Variants in ZBTB16 observed in about 807,000 individuals in gnomAD.
ZBTB16 encodes zinc finger and BTB domain containing 16, also known as zinc finger and BTB domain-containing protein 16.
In ZBTB16, 8 loss-of-function variants were observed where a neutral mutation model predicts 56.8. That is an observed-to-expected ratio of 0.14 (90% CI 0.08 to 0.25). The LOEUF (loss-of-function observed/expected upper bound fraction) is 0.25. ZBTB16 is among the 10% of genes least tolerant of loss of function. The pLI, the probability that ZBTB16 is intolerant of heterozygous loss-of-function variation, is 1.00. For missense variants in ZBTB16, 625 were observed against 903.0 expected (o/e 0.69, Z 3.95); for synonymous variants, 363 against 368.5 (o/e 0.98, Z 0.17).
chr11:114,131,459 T>C (rs1941658046), intron 2 of ZBTB16, among the ~76,000 whole-genome samples: 1 of 152,218 alleles, frequency 6.6e-6, no homozygotes, highest in South Asian at 2.1e-4. Flanking sequence ...TTCTGAATAA[T>C]TGAAACTTCG....
At position 114,149,079 on chromosome 11, in the gene ZBTB16, A is replaced by G. The variant is rs184546624; in HGVS notation, c.1269-7258A>G. Among the ~76,000 whole-genome samples the G allele has an allele frequency of 4.1e-3, 629 of 152,262 alleles. 5 individuals carry two copies. Among genetic ancestry groups the G allele is most frequent in the Non-Finnish European group, 3.5e-3 (237 of 68,018 alleles). ...GTATGGACCCTTATGCAGGAGATATAATCCAGCCAGCACAGACCCATGTCA... is the reference window on the plus strand; with the variant it reads ...GTATGGACCCTTATGCAGGAGATATGATCCAGCCAGCACAGACCCATGTCA... On this transcript the variant is annotated intron_variant, in intron 2 of 6. Transcript: ENST00000335953.
At position 114,173,489 on chromosome 11, in the gene ZBTB16, C is replaced by T. The variant is rs556789323; in HGVS notation, c.1367-13463C>T. ...ATCACAGTGGAAGCACATCCGTACC[C>T]GTATATGTGTATTAATGACTTTAAA... On this transcript the variant is annotated intron_variant, in intron 3 of 6. Transcript: ENST00000335953. 2.0e-3 allele frequency among the ~76,000 whole-genome samples: 309 copies of T among 152,248 alleles called. 1 individual carries two copies. Among genetic ancestry groups the T allele is most frequent in the African/African-American group, 6.7e-3 (280 of 41,542 alleles).
intron 4 of ZBTB16, among the ~76,000 whole-genome samples, chr11:114,223,745 G>A (rs1400299179): frequency 6.6e-6 from 1 of 152,154 alleles, no homozygotes; most frequent in Non-Finnish European, 1.5e-5. Flanking sequence ...GTATAAGGAT[G>A]TTATTAGAGC....
At chr11:114,096,865 C>T (rs940246766) in intron 2 of ZBTB16, among the ~76,000 whole-genome samples, 4 of 152,176 alleles carry the variant, frequency 2.6e-5, no homozygotes, top group African/African-American at 4.8e-5. Context: ...AAAGCACAAA[C>T]GATGGATTCC....
At chr11:114,137,912 G>A (rs1016346777) in intron 2 of ZBTB16, among the ~76,000 whole-genome samples, 1 of 152,210 alleles carries the variant, frequency 6.6e-6, no homozygotes, top group African/African-American at 2.4e-5. Context: ...GGTGATGAGT[G>A]TGGCCAGCCC....
intron 2 of ZBTB16, among the ~76,000 whole-genome samples, chr11:114,073,054 A>T (rs1256223089): frequency 3.7e-4 from 1 of 2,722 alleles, no homozygotes; most frequent in Middle Eastern, 0.5. Context: ...AGACTGTCTC[A>T]AAAAAAAAAA....
intron 2 of ZBTB16, among the ~76,000 whole-genome samples, chr11:114,069,171 T>C (rs1028507373): frequency 1.1e-4 from 17 of 152,180 alleles, no homozygotes; most frequent in Admixed American, 6.5e-5. Flanking sequence ...CTGCAAGCTC[T>C]GCCTCCCAGG....
intron 2 of ZBTB16, among the ~76,000 whole-genome samples, chr11:114,072,412 C>T (rs1389348007): frequency 6.6e-6 from 1 of 152,186 alleles, no homozygotes; most frequent in Admixed American, 6.5e-5. Flanking sequence ...CTCACTGATG[C>T]GGTGTCCTGT....
chr11:114,152,079 T>A (rs7950508), intron 2 of ZBTB16, among the ~76,000 whole-genome samples: 4,896 of 152,310 alleles, frequency 0.032, 290 homozygotes, highest in African/African-American at 0.11. Context: ...GGTCCAGTTT[T>A]GAATTGGAGG....
intron 4 of ZBTB16, chr11:114,210,096 C>G (rs1943964487): frequency 6.5e-6 from 2 of 305,586 alleles, no homozygotes; most frequent in Non-Finnish European, 9.6e-6. Flanking sequence ...GAGGTGTACT[C>G]TGCACTCTGT....
intron 4 of ZBTB16, among the ~76,000 whole-genome samples, chr11:114,196,949 T>G (rs1181098414): frequency 6.6e-6 from 1 of 152,266 alleles, no homozygotes; most frequent in South Asian, 2.1e-4. Flanking sequence ...TGCCTTGGGC[T>G]TCTGTACCCC....
chr11:114,128,810 C>A (rs546730579), intron 2 of ZBTB16, among the ~76,000 whole-genome samples: 1 of 152,160 alleles, frequency 6.6e-6, no homozygotes, highest in Non-Finnish European at 1.5e-5. Flanking sequence ...CTGTCACCTG[C>A]CCCTGATGTG....
intron 3 of ZBTB16, among the ~76,000 whole-genome samples, chr11:114,174,199 C>T (rs1004668691): frequency 5.9e-5 from 9 of 152,174 alleles, no homozygotes; most frequent in African/African-American, 1.4e-4. Context: ...CAGGCTCTGT[C>T]GGATAGACAG....
chr11:114,247,455 A>G, intron 6 of ZBTB16, 90 bp downstream of exon 6: 2 of 1,564,202 alleles, frequency 1.3e-6, no homozygotes, highest in Non-Finnish European at 1.8e-6. Flanking sequence ...CTAAGTGAGG[A>G]TGATCCCAGG....
chr11:114,064,471 C>A lies in ZBTB16; in HGVS notation c.1171C>A (p.Leu391Met). ...GGAGCTGTTCAGCAAGCTGGGGGAGCTGGCTGTGGGCATGAAGTCAGAGAG... is the reference window on the plus strand; with the variant it reads ...GGAGCTGTTCAGCAAGCTGGGGGAGATGGCTGTGGGCATGAAGTCAGAGAG... ...QRELFSKLGE[L>M]AVGMKSESRT... The change falls in exon 2 of 7, where the codon CTG becomes ATG. Residue 391 changes from leucine to methionine, a missense_variant. Leu to Met is a conservative substitution (Grantham distance 15, BLOSUM62 2). This residue lies in a region of ZBTB16 where 384 missense variants were observed against 393.5 expected (regional missense o/e 0.98). Transcript: ENST00000335953. This position sits in a 1 kb window ranked among gnomAD's most constrained non-coding sequence, Gnocchi z 4.2. 1.2e-6 allele frequency: 2 copies of A among 1,614,122 alleles called. No homozygotes were observed.
intron 2 of ZBTB16, among the ~76,000 whole-genome samples, chr11:114,075,762 C>T (rs1614059): frequency 0.18 from 27,147 of 151,938 alleles, 2,529 homozygotes; most frequent in Middle Eastern, 0.31. Context: ...TGAGCCACTG[C>T]GCCTGGCCTA....
chr11:114,087,631 C>A (rs1175605032), intron 2 of ZBTB16, among the ~76,000 whole-genome samples: 1 of 152,194 alleles, frequency 6.6e-6, no homozygotes, highest in Non-Finnish European at 1.5e-5. Context: ...CTGCAGTGCA[C>A]CCCTGCAAGG....
intron 2 of ZBTB16, among the ~76,000 whole-genome samples, chr11:114,141,852 A>G (rs1941953924): frequency 6.6e-6 from 1 of 152,260 alleles, no homozygotes. Flanking sequence ...TGAGGATCGA[A>G]TGAGATAAGG....
intron 4 of ZBTB16, among the ~76,000 whole-genome samples, chr11:114,235,686 CTTTCT>C (rs563392270): frequency 0.28 from 10,798 of 37,918 alleles, 685 homozygotes; most frequent in East Asian, 0.4. Flanking sequence ...TTCTTTCTTT[CTTTCT>C]TTTCTTTCTT....
Sources: allele counts gnomAD v4.1 joint callset (sites outside exome capture counted in the v4.1 genomes callset), GRCh38; gene constraint gnomAD v4.1.1; regional missense constraint gnomAD v4.1.1; non-coding constraint Gnocchi (gnomAD v3.1); transcripts MANE v1.5; gene names NCBI Gene and HGNC (gene_info 2026-07-23, HGNC 2026-07-21).